XNDC1N: variants seen among roughly 807,000 people sequenced by gnomAD.
XNDC1N encodes the protein XRCC1 N-terminal domain containing 1, N-terminal like.
At chr11:71,876,055 C>T in the XNDC1N span, among the ~76,000 whole-genome samples, 6 of 151,796 alleles carry the variant, frequency 4.0e-5, no homozygotes, top group East Asian at 1.9e-4. Context: ...AAAAGAAAAC[C>T]GGCATCAACA....
the XNDC1N span, among the ~76,000 whole-genome samples, chr11:71,880,270 G>T: frequency 6.6e-6 from 1 of 151,926 alleles, no homozygotes; most frequent in Non-Finnish European, 1.5e-5. Flanking sequence ...ATTGGTGTTG[G>T]TAAAAAAAAT....
the XNDC1N span, among the ~76,000 whole-genome samples, chr11:71,918,372 C>T: frequency 1.3e-5 from 2 of 152,078 alleles, no homozygotes; most frequent in Non-Finnish European, 2.9e-5. Flanking sequence ...GCCTTGACCT[C>T]CTGGGCTCAG....
At chr11:71,919,926 C>CTTTTTTTTTT in the XNDC1N span, among the ~76,000 whole-genome samples, 1 of 84,320 alleles carries the variant, frequency 1.2e-5, no homozygotes, top group South Asian at 4.8e-4. Flanking sequence ...CAAAAGCAGG[C>CTTTTTTTTTT]CTCTTTTTTT....
At chr11:71,889,111 C>T in the XNDC1N span, among the ~76,000 whole-genome samples, 3 of 152,218 alleles carry the variant, frequency 2.0e-5, no homozygotes, top group Non-Finnish European at 2.9e-5. Context: ...GAAAGCTGAA[C>T]TCATTGCTTT....
At chr11:71,893,405 G>A in the XNDC1N span, 4 of 702,406 alleles carry the variant, frequency 5.7e-6, no homozygotes, top group Non-Finnish European at 1.1e-5. Flanking sequence ...CAGCATTAAG[G>A]GCTGGTTTTT....
chr11:71,913,280 A>G, the XNDC1N span, among the ~76,000 whole-genome samples: 1 of 151,936 alleles, frequency 6.6e-6, no homozygotes, highest in African/African-American at 2.4e-5. Flanking sequence ...GAGTAATATC[A>G]GCCTCTCTCC....
chr11:71,915,695 A>G, the XNDC1N span, among the ~76,000 whole-genome samples: 1 of 68,362 alleles, frequency 1.5e-5, no homozygotes, highest in Non-Finnish European at 4.6e-5. Context: ...GACAGAAACT[A>G]CACGGGAGCT....
the XNDC1N span, among the ~76,000 whole-genome samples, chr11:71,920,412 A>G: frequency 2.2e-4 from 33 of 152,062 alleles, no homozygotes; most frequent in African/African-American, 8.0e-4. Flanking sequence ...GGTTCAAGCA[A>G]TTCTCCTGCT....
the XNDC1N span, among the ~76,000 whole-genome samples, chr11:71,904,857 TCA>T: frequency 6.6e-6 from 1 of 151,904 alleles, no homozygotes. Context: ...AAGAATAGTA[TCA>T]CAGGTGTTGA....
At chr11:71,881,896 G>GA in the XNDC1N span, among the ~76,000 whole-genome samples, 19 of 152,150 alleles carry the variant, frequency 1.2e-4, no homozygotes, top group African/African-American at 3.9e-4. Flanking sequence ...TATGTGTAAT[G>GA]AAGTATCAGG....
chr11:71,880,824 A>G, the XNDC1N span, among the ~76,000 whole-genome samples: 2 of 152,172 alleles, frequency 1.3e-5, no homozygotes, highest in Non-Finnish European at 2.9e-5. Flanking sequence ...ATAGTTTCCA[A>G]AGTTCTTCCT....
the XNDC1N span, among the ~76,000 whole-genome samples, chr11:71,896,715 C>A: frequency 6.6e-6 from 1 of 152,240 alleles, no homozygotes; most frequent in South Asian, 2.1e-4. Context: ...AGGCATGCGC[C>A]AGCACGCCCA....
At chr11:71,874,104 C>T in the XNDC1N span, among the ~76,000 whole-genome samples, 1 of 152,148 alleles carries the variant, frequency 6.6e-6, no homozygotes, top group Non-Finnish European at 1.5e-5. Context: ...CATCTGAGGA[C>T]AGGAGTTTGA....
At chr11:71,916,535 C>T in the XNDC1N span, 1 of 335,408 alleles carries the variant, frequency 3.0e-6, no homozygotes, top group East Asian at 5.3e-5. Context: ...CTCCAGGGAC[C>T]TCATCAATAT....
At chr11:71,887,854 C>T in the XNDC1N span, among the ~76,000 whole-genome samples, 1 of 152,174 alleles carries the variant, frequency 6.6e-6, no homozygotes, top group African/African-American at 2.4e-5. Flanking sequence ...ACAGCTGGTT[C>T]ACCTGCTTGG....
the XNDC1N span, among the ~76,000 whole-genome samples, chr11:71,918,651 T>C: frequency 6.6e-6 from 1 of 152,180 alleles, no homozygotes; most frequent in Non-Finnish European, 1.5e-5. Context: ...GGTAGTTATG[T>C]TGCATAATTT....
At chr11:71,923,178 T>G in the XNDC1N span, 26 of 662,480 alleles carry the variant, frequency 3.9e-5, no homozygotes, top group African/African-American at 4.4e-4. Context: ...AGCTGTTTCT[T>G]CTCTTAGACT....
At chr11:71,896,720 C>T in the XNDC1N span, among the ~76,000 whole-genome samples, 146 of 152,360 alleles carry the variant, frequency 9.6e-4, no homozygotes, top group African/African-American at 3.3e-3. Flanking sequence ...TGCGCCAGCA[C>T]GCCCAGCTAA....
chr11:71,881,546 T>A, the XNDC1N span, among the ~76,000 whole-genome samples: 1 of 152,132 alleles, frequency 6.6e-6, no homozygotes, highest in African/African-American at 2.4e-5. Flanking sequence ...GCACATGAAT[T>A]CCTGGTGTCT....
Sources: gnomAD v4.1 joint callset for allele counts (sites outside exome capture counted in the v4.1 genomes callset) on GRCh38, gnomAD v4.1.1 for gene constraint, MANE v1.5 for transcripts, NCBI Gene and HGNC (gene_info 2026-07-23, HGNC 2026-07-21) for gene names.